The following TOM1L1 variants were observed in gnomAD, a reference collection of about 807,000 sequenced individuals.
TOM1L1 encodes target of myb1 like 1 membrane trafficking protein.
Under a neutral mutation model 63.4 loss-of-function variants are expected in TOM1L1, and 64 were observed. That is an observed-to-expected ratio of 1.01 (90% confidence interval 0.83 to 1.24). TOM1L1 has a LOEUF of 1.24. TOM1L1 is among the 50% of genes most tolerant of loss of function. The pLI is 0.00. For synonymous variants in TOM1L1, 166 were observed against 194.4 expected (o/e 0.85, Z 1.22); for missense variants, 536 against 567.0 (o/e 0.95, Z 0.55).
At chr17:54,957,317 A>C (rs1451841505) in intron 14 of TOM1L1, 2 of 152,194 alleles carry the variant, frequency 1.3e-5, no homozygotes, top group African/African-American at 4.8e-5. Context: ...AGGTTTGAGA[A>C]ATTTCTCTAA....
intron 14 of TOM1L1, among the ~76,000 whole-genome samples, chr17:54,960,121 G>A (rs1057158862): frequency 6.6e-6 from 1 of 152,102 alleles, no homozygotes; most frequent in African/African-American, 2.4e-5. Context: ...CCAGCACTTT[G>A]GGAGGCCGAG....
chr17:54,928,204 A>T (rs2048799044), intron 7 of TOM1L1, among the ~76,000 whole-genome samples: 1 of 152,176 alleles, frequency 6.6e-6, no homozygotes, highest in African/African-American at 2.4e-5. Flanking sequence ...TTCGTTATCT[A>T]GTTGAGCTTC....
Position 54,950,252 on chromosome 17 carries a change from A to G in TOM1L1, c.1370+126A>G, listed in dbSNP as rs923991165. ...GGCAGAAATTGATGGCCTTATTAAA[A>G]ATGCCTTATGAGGTTTTATGGCAGC... is the stretch of plus-strand genomic sequence containing the variant. On this transcript the variant is annotated intron_variant, in intron 14 of 15. Transcript: ENST00000575882. 8 of 663,448 alleles carry G rather than the reference A, an allele frequency of 1.2e-5. 1 individual carries two copies. The highest frequency in any genetic ancestry group is 3.7e-5 in the African/African-American group (2 of 54,424). 41.1% of individuals were successfully genotyped at this position (663,448 alleles called of 1,614,324 possible).
intron 8 of TOM1L1, among the ~76,000 whole-genome samples, chr17:54,934,796 C>T (rs964104532): frequency 4.0e-5 from 6 of 151,872 alleles, no homozygotes; most frequent in African/African-American, 1.5e-4. Flanking sequence ...CAGCTCACTG[C>T]AACCTCCGCC....
chr17:54,935,957 T>C (rs552085447), intron 8 of TOM1L1, among the ~76,000 whole-genome samples: 5 of 152,222 alleles, frequency 3.3e-5, no homozygotes, highest in African/African-American at 9.6e-5. Flanking sequence ...ACCCCGTCTC[T>C]ACTAAAAATA....
At chr17:54,925,504 GAAAGTTC>G (rs1407187931) in intron 7 of TOM1L1, among the ~76,000 whole-genome samples, 1 of 152,196 alleles carries the variant, frequency 6.6e-6, no homozygotes, top group Non-Finnish European at 1.5e-5. Context: ...GAGGGCCAAG[GAAAGTTC>G]TCCAGCAGAA....
chr17:54,945,240 C>G (rs35717159), intron 11 of TOM1L1, among the ~76,000 whole-genome samples: 44,760 of 152,028 alleles, frequency 0.29, 6,921 homozygotes, highest in African/African-American at 0.35. Flanking sequence ...CCAGATAATA[C>G]AGGATGGTAT....
At chr17:54,945,798 CT>C (rs1232341853) in intron 11 of TOM1L1, among the ~76,000 whole-genome samples, 1 of 150,732 alleles carries the variant, frequency 6.6e-6, no homozygotes, top group Non-Finnish European at 1.5e-5. Flanking sequence ...GTTTGCAGTT[CT>C]TTGGAGCATG....
rs1555610418 is a variant in TOM1L1 at position 54,931,956 on chromosome 17, T to TTTTG, written c.854+1770_854+1773dup. On this transcript the variant is annotated intron_variant, in intron 8 of 15. Transcript: ENST00000575882. ...TCTTTTTCTTTTTTCTTCGTTTTTT[T>TTTTG]TTTGTTTGTTTGTTTGTTTGTTTTT... Among the ~76,000 whole-genome samples the TTTTG allele has an allele frequency of 4.2e-3, 546 of 130,312 alleles. 6 individuals are homozygous for TTTTG. The highest frequency in any genetic ancestry group is 0.015 in the African/African-American group (482 of 32,918). The allele number at this position is 130,312 out of a possible 152,430, so 85.5% of individuals were successfully genotyped here. A position where few individuals can be genotyped will look rare whatever the true frequency, so the allele number is the denominator to read the frequency against.
At chr17:54,944,449 CAAA>C (rs34562804) in intron 11 of TOM1L1, among the ~76,000 whole-genome samples, 15 of 142,824 alleles carry the variant, frequency 1.1e-4, no homozygotes, top group Admixed American at 3.5e-4. Flanking sequence ...GACTCTATCT[CAAA>C]AAAAAAAAAA....
intron 3 of TOM1L1, among the ~76,000 whole-genome samples, chr17:54,910,991 AC>A (rs1489147435): frequency 2.6e-5 from 4 of 152,196 alleles, no homozygotes; most frequent in African/African-American, 9.7e-5. Context: ...GGTTTCTATG[AC>A]CTTTCTAATT....
intron 7 of TOM1L1, among the ~76,000 whole-genome samples, chr17:54,919,662 T>G (rs1017687237): frequency 2.6e-4 from 39 of 152,326 alleles, no homozygotes; most frequent in African/African-American, 9.1e-4. Context: ...CAAATTCAAA[T>G]TGAATAGGTT....
At chr17:54,956,938 T>C (rs1567848354) in intron 14 of TOM1L1, 2 of 152,210 alleles carry the variant, frequency 1.3e-5, no homozygotes, top group Admixed American at 1.3e-4. Flanking sequence ...TCACATGTTA[T>C]GGTAATGAAG....
intron 8 of TOM1L1, among the ~76,000 whole-genome samples, chr17:54,933,389 G>T (rs2048895535): frequency 6.6e-6 from 1 of 152,188 alleles, no homozygotes; most frequent in Non-Finnish European, 1.5e-5. Flanking sequence ...TTACTAATGT[G>T]AACCAAAAGT....
At chr17:54,954,342 C>A (rs971111587) in intron 14 of TOM1L1, 6 of 152,330 alleles carry the variant, frequency 3.9e-5, no homozygotes, top group East Asian at 1.9e-4. Context: ...TACAAGTCAA[C>A]AGTTTTAAAA....
At chr17:54,942,564 GT>G (rs998401387) in intron 11 of TOM1L1, 2 of 152,180 alleles carry the variant, frequency 1.3e-5, no homozygotes, top group Non-Finnish European at 2.9e-5. Context: ...GCCAGTGGTT[GT>G]CCAGCTAGTA....
chr17:54,924,283 C>CTTTT (rs35210443), intron 7 of TOM1L1, among the ~76,000 whole-genome samples: 3 of 137,528 alleles, frequency 2.2e-5, no homozygotes, highest in Admixed American at 7.3e-5. Context: ...TTTCTTTTTT[C>CTTTT]TTTTTTTTTT....
intron 11 of TOM1L1, among the ~76,000 whole-genome samples, chr17:54,943,479 T>TGTGTGTGTGTGTGTGTGA (rs748237003): frequency 6.7e-6 from 1 of 150,208 alleles, no homozygotes; most frequent in African/African-American, 2.5e-5. Flanking sequence ...TGTGTGTGTG[T>TGTGTGTGTGTGTGTGTGA]GAAATAAAGT....
At chr17:54,909,420 G>A (rs148545276) in intron 3 of TOM1L1, among the ~76,000 whole-genome samples, 16 of 152,262 alleles carry the variant, frequency 1.1e-4, no homozygotes, top group Non-Finnish European at 2.1e-4. Flanking sequence ...AGCTCTGATG[G>A]CCCTGAAACC....
Sources: gnomAD v4.1 joint callset for allele counts (sites outside exome capture counted in the v4.1 genomes callset) on GRCh38, gnomAD v4.1.1 for gene constraint, MANE v1.5 for transcripts, NCBI Gene and HGNC (gene_info 2026-07-23, HGNC 2026-07-21) for gene names.